PIK3CB: variants seen among roughly 807,000 people sequenced by gnomAD.
The protein encoded by PIK3CB is phosphatidylinositol 4,5-bisphosphate 3-kinase catalytic subunit beta isoform.
In PIK3CB, 39 loss-of-function variants were observed where a neutral mutation model predicts 136.8. That is an observed-to-expected ratio of 0.29 (90% confidence interval 0.22 to 0.37). PIK3CB has a LOEUF of 0.37. Among genes scored for constraint, PIK3CB ranks in the 10% least tolerant of loss-of-function variants. The pLI, the probability that PIK3CB is intolerant of heterozygous loss-of-function variation, is 1.00. For synonymous variants in PIK3CB, 428 were observed against 436.6 expected, an observed-to-expected ratio of 0.98 and a Z score of 0.25; for missense variants, 868 against 1,275.4, an observed-to-expected ratio of 0.68 and a Z score of 4.87.
rs546230946 is a variant in PIK3CB at position 138,677,623 on chromosome 3, G to A, written c.2504+4344C>T. 9.8e-4 allele frequency among the ~76,000 whole-genome samples: 150 copies of A among 152,296 alleles called. 3 individuals carry two copies. Among genetic ancestry groups the A allele is most frequent in the Non-Finnish European group, 4.3e-4 (29 of 68,012 alleles). On this transcript the variant is annotated intron_variant, in intron 19 of 23. Coordinates refer to ENST00000674063, the MANE Select transcript of PIK3CB (RefSeq NM_006219.3). ...TGGAATTTGTTAAATCTGGCTGGGC[G>A]CGGTGACTCATGCCTGTAATCCCAA...
chr3:138,801,986 T>C (rs573964473), intron 1 of PIK3CB, among the ~76,000 whole-genome samples: 24 of 150,350 alleles, frequency 1.6e-4, no homozygotes, highest in Non-Finnish European at 3.0e-5. Flanking sequence ...AAGGCTGCAG[T>C]GAACTATGAT....
At chr3:138,715,652 A>G (rs1009685077) in intron 8 of PIK3CB, among the ~76,000 whole-genome samples, 3 of 152,140 alleles carry the variant, frequency 2.0e-5, no homozygotes, top group Non-Finnish European at 2.9e-5. Context: ...GAATATACAC[A>G]TACTTCATCT....
intron 2 of PIK3CB, among the ~76,000 whole-genome samples, chr3:138,795,550 G>A (rs2046100332): frequency 6.6e-6 from 1 of 152,100 alleles, no homozygotes; most frequent in African/African-American, 2.4e-5. Flanking sequence ...GGAATAGCTT[G>A]AAAATGGGAG....
intron 9 of PIK3CB, among the ~76,000 whole-genome samples, chr3:138,713,993 C>A (rs1024992571): frequency 6.6e-6 from 1 of 152,130 alleles, no homozygotes; most frequent in Admixed American, 6.6e-5. Flanking sequence ...ATATTTCACT[C>A]CAAATATTAA....
chr3:138,688,501 A>C (rs1367843511), intron 16 of PIK3CB, among the ~76,000 whole-genome samples: 2 of 29,608 alleles, frequency 6.8e-5, no homozygotes, highest in Non-Finnish European at 1.4e-4. Context: ...ACTCTGTCAC[A>C]AAAAAAAAAA....
At chr3:138,735,813 T>C (rs1184139982) in intron 6 of PIK3CB, among the ~76,000 whole-genome samples, 1 of 152,138 alleles carries the variant, frequency 6.6e-6, no homozygotes, top group Non-Finnish European at 1.5e-5. Flanking sequence ...TTCAGAACCA[T>C]TAAAAATACA....
chr3:138,752,848 T>C (rs1415208552), intron 4 of PIK3CB, among the ~76,000 whole-genome samples: 1 of 152,066 alleles, frequency 6.6e-6, no homozygotes, highest in Admixed American at 6.6e-5. Context: ...AGATAAACAA[T>C]GAATATGTTT....
intron 19 of PIK3CB, among the ~76,000 whole-genome samples, chr3:138,679,796 C>G (rs756868495): frequency 6.7e-6 from 1 of 148,544 alleles, no homozygotes; most frequent in Non-Finnish European, 1.5e-5. Flanking sequence ...CAGGGTTTCA[C>G]CATGTTGCCC....
intron 8 of PIK3CB, among the ~76,000 whole-genome samples, chr3:138,720,006 G>A (rs2108600716): frequency 6.6e-6 from 1 of 152,206 alleles, no homozygotes; most frequent in African/African-American, 2.4e-5. Flanking sequence ...TGGGAATCAA[G>A]CAAAGTGGTG....
chr3:138,806,493 A>T (rs564498252), intron 1 of PIK3CB, among the ~76,000 whole-genome samples: 1 of 152,294 alleles, frequency 6.6e-6, no homozygotes, highest in South Asian at 2.1e-4. Context: ...TCAAAAAAAA[A>T]AAGATCACTG....
At chr3:138,673,823 C>T (rs1351880449) in intron 19 of PIK3CB, among the ~76,000 whole-genome samples, 1 of 152,186 alleles carries the variant, frequency 6.6e-6, no homozygotes, top group African/African-American at 2.4e-5. Flanking sequence ...ATGGTGAATG[C>T]ATGTCTGACA....
chr3:138,719,910 A>AG (rs1259016345), intron 8 of PIK3CB, among the ~76,000 whole-genome samples: 4 of 152,130 alleles, frequency 2.6e-5, no homozygotes, highest in Admixed American at 6.6e-5. Context: ...ACAAAAAAAA[A>AG]GGGGGGTAGG....
At chr3:138,809,061 G>T (rs1386950958) in intron 1 of PIK3CB, among the ~76,000 whole-genome samples, 2 of 151,876 alleles carry the variant, frequency 1.3e-5, no homozygotes, top group African/African-American at 4.8e-5. Context: ...ATCATCTGGA[G>T]TCAGGAGTTC....
At chr3:138,759,700 T>C (rs2045635158) in intron 2 of PIK3CB, among the ~76,000 whole-genome samples, 2 of 152,088 alleles carry the variant, frequency 1.3e-5, no homozygotes, top group Non-Finnish European at 2.9e-5. Context: ...AAATTCAACA[T>C]AGATATTTGA....
rs60503033 is a variant in PIK3CB at position 138,744,392 on chromosome 3, C to CAAAAAAAAAAAAAAAAAAAAAAAAA, written c.398-1636_398-1612dup. Among the ~76,000 whole-genome samples, 123 of 45,108 alleles carry CAAAAAAAAAAAAAAAAAAAAAAAAA rather than the reference C, an allele frequency of 2.7e-3. 59 individuals carry two copies. The highest frequency in any genetic ancestry group is 3.8e-3 in the Non-Finnish European group (94 of 24,730). The allele number at this position is 45,108 out of a possible 152,430, so 29.6% of individuals were successfully genotyped here. On this transcript the variant is annotated intron_variant, in intron 4 of 23. Coordinates refer to ENST00000674063, the MANE Select transcript of PIK3CB (RefSeq NM_006219.3). ...ACTGGGTGACAGAGCGAGACTCCCCCAAAAAAAAAAAAAAAAAAAAAAAAA... is the reference window on the plus strand; with the variant it reads ...ACTGGGTGACAGAGCGAGACTCCCCCAAAAAAAAAAAAAAAAAAAAAAAAAAAAAAAAAAAAAAAAAAAAAAAAAA...
intron 21 of PIK3CB, among the ~76,000 whole-genome samples, chr3:138,660,959 G>A (rs562022408): frequency 2.6e-5 from 4 of 152,224 alleles, no homozygotes; most frequent in South Asian, 4.1e-4. Context: ...TAGAAACTAG[G>A]GAGAAATCTC....
intron 11 of PIK3CB, 113 bp from the exon 12 acceptor site, chr3:138,704,606 G>A: frequency 1.4e-6 from 1 of 720,308 alleles, no homozygotes; most frequent in Non-Finnish European, 2.4e-6. Context: ...GCTATGCTTT[G>A]TAACAGAAAC....
intron 19 of PIK3CB, among the ~76,000 whole-genome samples, chr3:138,668,591 C>T (rs1490363906): frequency 6.6e-6 from 1 of 152,208 alleles, no homozygotes; most frequent in East Asian, 1.9e-4. Context: ...CTAAATCAAA[C>T]ATTTAAAAAT....
intron 11 of PIK3CB, among the ~76,000 whole-genome samples, chr3:138,705,181 C>CAAAA (rs1277322816): frequency 6.8e-5 from 4 of 58,530 alleles, no homozygotes; most frequent in Non-Finnish European, 8.7e-5. Flanking sequence ...AAACAAAAAA[C>CAAAA]AAAACAAACA....
Sources: gnomAD v4.1 joint callset for allele counts (sites outside exome capture counted in the v4.1 genomes callset) on GRCh38, gnomAD v4.1.1 for gene constraint, MANE v1.5 for transcripts, NCBI Gene and HGNC (gene_info 2026-07-23, HGNC 2026-07-21) for gene names.